Variants in ATR observed in about 807,000 individuals in gnomAD.
ATR encodes serine/threonine-protein kinase ATR.
ATR carries 142 observed loss-of-function variants against 305.3 expected under a neutral mutation model. That is an observed-to-expected ratio of 0.47 (90% CI 0.41 to 0.53). The LOEUF (loss-of-function observed/expected upper bound fraction) is 0.53, where lower values mean the gene tolerates loss of function less well. Among genes scored for constraint, ATR ranks in the 20% least tolerant of loss-of-function variants. ATR has a pLI of 0.00. For missense variants in ATR, 2,135 were observed against 3,133.1 expected (o/e 0.68, Z 7.60); for synonymous variants, 1,050 against 1,068.1 (o/e 0.98, Z 0.33).
rs2030819470 is a variant in ATR, at chr3:142,485,016, T to C, written c.6221+124A>G. The C allele has an allele frequency of 5.8e-6, 8 of 1,391,038 alleles. No individual in the cohort carries two copies. In the South Asian group the frequency reaches 8.6e-5, roughly 15 times the overall value. 86.2% of individuals were successfully genotyped at this position (1,391,038 alleles called of 1,614,324 possible). On this transcript the variant is annotated intron_variant, in intron 36 of 46. Coordinates refer to ENST00000350721, the MANE Select transcript of ATR (RefSeq NM_001184.4). ...GGAAAAATTTACATCTTATCTAAGG[T>C]GATACACTGAATCAGTCATAAGCCA...
intron 30 of ATR, among the ~76,000 whole-genome samples, chr3:142,501,129 TCA>T (rs1464574446): frequency 6.6e-6 from 1 of 152,162 alleles, no homozygotes; most frequent in Non-Finnish European, 1.5e-5. Context: ...ATCATTTGCT[TCA>T]CCATGACACA....
At chr3:142,556,726 A>G in intron 8 of ATR, 151 bp from the exon 9 acceptor site, 1 of 766,754 alleles carries the variant, frequency 1.3e-6, no homozygotes, top group Non-Finnish European at 2.0e-6. Context: ...ACCTAATTTA[A>G]TTAAAAGCTC....
Position 142,562,287 on chromosome 3 carries a change from A to T in ATR, c.1115T>A (p.Val372Glu). The change falls in exon 4 of 47, where the codon GTG (valine) becomes GAG (glutamate). Residue 372 changes from valine (V) to glutamate (E), a missense_variant. By Grantham distance (121) the Val-to-Glu change is moderately radical. This residue lies in a region of ATR where 744 missense variants were observed against 873.2 expected (regional missense o/e 0.85). Coordinates refer to ENST00000350721, the MANE Select transcript of ATR (RefSeq NM_001184.4). ...ESALQVRKVY[V>E]RNICKALLDV... is the part of the protein sequence containing the mutation. ...CAAAAGAGCTTTACAAATATTTCTC[A>T]CATAGACCTTCCTGACTTGTAAAGC... 1 of 1,614,112 alleles carries T rather than the reference A, an allele frequency of 6.2e-7. No homozygotes were observed. Among genetic ancestry groups the T allele is most frequent in the Non-Finnish European group, 8.5e-7 (1 of 1,179,974 alleles).
chr3:142,552,053 G>A (rs1001772660), intron 13 of ATR, among the ~76,000 whole-genome samples: 2 of 151,996 alleles, frequency 1.3e-5, no homozygotes, highest in African/African-American at 4.8e-5. Context: ...CAACGAACAT[G>A]AAAAAAAGCT....
At chr3:142,535,957 G>A (rs1166388408) in intron 20 of ATR, 151 bp downstream of exon 20, 1 of 620,656 alleles carries the variant, frequency 1.6e-6, no homozygotes, top group Non-Finnish European at 2.9e-6. Flanking sequence ...ATGGATTCAT[G>A]GTAGCATTAT....
chr3:142,477,112 C>T (rs1210011229), intron 36 of ATR, among the ~76,000 whole-genome samples: 1 of 152,128 alleles, frequency 6.6e-6, no homozygotes, highest in Admixed American at 6.5e-5. Flanking sequence ...ATTGCCCTGG[C>T]CAGAACTTCC....
chr3:142,548,910 T>G (rs548229310), intron 15 of ATR, among the ~76,000 whole-genome samples: 2 of 152,312 alleles, frequency 1.3e-5, no homozygotes, highest in South Asian at 4.1e-4. Context: ...GCATATATTA[T>G]GAAACAAATT....
rs1288871327 is a variant in ATR at position 142,560,468 on chromosome 3, T to A, written c.1350-14A>T. The A allele has an allele frequency of 6.3e-7, 1 of 1,582,506 alleles. No homozygotes were observed. The highest frequency in any genetic ancestry group is 8.7e-7 in the Non-Finnish European group (1 of 1,151,660). On this transcript the variant is annotated splice_polypyrimidine_tract_variant and intron_variant, in intron 5 of 46. Transcript: ENST00000350721. ...ACATGTTTAATTCTATAATTATGAA[T>A]ATAGTAGAGAGATATTCATATGCAA...
At chr3:142,465,068 A>G in intron 41 of ATR, 29 bp downstream of exon 41, 1 of 1,331,936 alleles carries the variant, frequency 7.5e-7, no homozygotes, top group African/African-American at 1.5e-5. Context: ...AAAATAAATA[A>G]ATAAAATAAA....
At chr3:142,495,325 C>A (rs1207618447) in intron 34 of ATR, among the ~76,000 whole-genome samples, 2 of 152,178 alleles carry the variant, frequency 1.3e-5, no homozygotes. Flanking sequence ...GTTGGTGTAA[C>A]CACAAATGGC....
intron 35 of ATR, among the ~76,000 whole-genome samples, chr3:142,488,214 T>C (rs1257241183): frequency 6.6e-6 from 1 of 152,198 alleles, no homozygotes; most frequent in Non-Finnish European, 1.5e-5. Flanking sequence ...TCTGGTCCAA[T>C]GGTCCTTTCC....
intron 29 of ATR, among the ~76,000 whole-genome samples, chr3:142,504,789 G>C (rs998024591): frequency 2.0e-5 from 3 of 152,176 alleles, no homozygotes; most frequent in African/African-American, 7.2e-5. Context: ...AAATCATCTA[G>C]TAAAGTCTCT....
At chr3:142,466,991 T>C (rs923315693) in intron 39 of ATR, among the ~76,000 whole-genome samples, 1 of 152,196 alleles carries the variant, frequency 6.6e-6, no homozygotes, top group Admixed American at 6.5e-5. Context: ...TGTTAGTGTT[T>C]TAATAAATGT....
intron 29 of ATR, 42 bp downstream of exon 29, chr3:142,505,097 A>C (rs1333224514): frequency 6.2e-7 from 1 of 1,607,864 alleles, no homozygotes; most frequent in African/African-American, 1.3e-5. Flanking sequence ...GTTCCTATTC[A>C]GGGCTATTTT....
Position 142,553,977 on chromosome 3 carries a change from C to G in ATR, c.2380G>C (p.Asp794His), listed in dbSNP as rs543336253. 3.7e-6 allele frequency: 6 copies of G among 1,609,980 alleles called. No individual in the cohort carries two copies. The highest frequency in any genetic ancestry group is 1.7e-5 in the Admixed American group (1 of 59,644). Residue 794 changes from aspartate to histidine, a missense_variant, in exon 11 of 47, where the codon GAT becomes CAT. Around this residue, in one of 9 missense-constraint regions of ATR, gnomAD observed 530 missense variants for 766.8 expected, o/e 0.69. Coordinates refer to ENST00000350721, the MANE Select transcript of ATR (RefSeq NM_001184.4). Reference sequence around the variant, plus strand: ...ACATCTGTTTCATCTTCTCTAAAATCAAGATGCTTACAAAGATGATGTAGA... The same window carrying G: ...ACATCTGTTTCATCTTCTCTAAAATGAAGATGCTTACAAAGATGATGTAGA... Reference protein sequence around the residue: ...DNLHHLCKHLDFREDETDVKA... With the variant: ...DNLHHLCKHLHFREDETDVKA...
In ATR at chr3:142,544,922, A is replaced by G. The variant is rs1183029979; in HGVS notation, c.3358-2165T>C. On this transcript the variant is annotated intron_variant, in intron 16 of 46. Coordinates refer to ENST00000350721, the MANE Select transcript of ATR (RefSeq NM_001184.4). ...TTCTGCAAACTTCTGATTTAGGTTG[A>G]GACTCAACTTTGGCATGGTAAGCCA... Among the ~76,000 whole-genome samples the G allele has an allele frequency of 2.0e-5, 3 of 152,346 alleles. No individual in the cohort carries two copies. The East Asian group carries it at 5.8e-4, about 29-fold the overall frequency.
chr3:142,544,557 G>A (rs2034195466), intron 16 of ATR, among the ~76,000 whole-genome samples: 1 of 138,950 alleles, frequency 7.2e-6, no homozygotes, highest in South Asian at 2.3e-4. Flanking sequence ...CTGAGAATGT[G>A]ACCAGTCTGT....
chr3:142,512,050 A>G (rs898264717), intron 27 of ATR, among the ~76,000 whole-genome samples: 1 of 151,912 alleles, frequency 6.6e-6, no homozygotes, highest in Non-Finnish European at 1.5e-5. Flanking sequence ...CCCGGGAGGC[A>G]GAGATTGCAG....
In ATR at chr3:142,553,734, C is replaced by T. The variant is rs1284210638; in HGVS notation, c.2539G>A (p.Val847Ile). Residue 847 changes from valine to isoleucine, a missense_variant, in exon 12 of 47, where the codon GTC becomes ATC. Val to Ile is a conservative substitution (Grantham distance 29). Coordinates refer to ENST00000350721, the MANE Select transcript of ATR (RefSeq NM_001184.4). ...GTATATGCTTCCTTCATTCTTAAGACAAAAAGCTAGAACAATAAAATTAAC... is the reference window on the plus strand; with the variant it reads ...GTATATGCTTCCTTCATTCTTAAGATAAAAAGCTAGAACAATAAAATTAAC... ...SEDGFIKELF[V>I]LRMKEAYTHA... The T allele has an allele frequency of 1.9e-6, 3 of 1,612,188 alleles. No individual in the cohort carries two copies. The highest frequency in any genetic ancestry group is 2.2e-5 in the South Asian group (2 of 91,016).
Sources: gnomAD v4.1 joint callset for allele counts (sites outside exome capture counted in the v4.1 genomes callset) on GRCh38, gnomAD v4.1.1 for gene constraint, gnomAD v4.1.1 regional missense constraint, MANE v1.5 for transcripts, NCBI Gene and HGNC (gene_info 2026-07-23, HGNC 2026-07-21) for gene names.